PTOV1: variants seen among roughly 807,000 people sequenced by gnomAD.
The protein encoded by PTOV1 is prostate tumor-overexpressed gene 1 protein.
In PTOV1, 20 loss-of-function variants were observed where a neutral mutation model predicts 58.0. That is an observed-to-expected ratio of 0.34 (90% CI 0.24 to 0.50). PTOV1 has a LOEUF of 0.50. PTOV1 is among the 20% of genes least tolerant of loss of function. The pLI is 0.98. For synonymous variants in PTOV1, 335 were observed against 234.2 expected, an observed-to-expected ratio of 1.43 and a Z score of -3.93; for missense variants, 593 against 565.4, an observed-to-expected ratio of 1.05 and a Z score of -0.50.
intron 5 of PTOV1, chr19:49,855,285 G>T: frequency 3.4e-6 from 2 of 587,332 alleles, no homozygotes; most frequent in Non-Finnish European, 6.1e-6. Flanking sequence ...GAGGCCTCCA[G>T]TTTCTGCATC....
chr19:49,854,280 C>G, intron 1 of PTOV1, 126 bp from the exon 2 acceptor site: 1 of 1,287,902 alleles, frequency 7.8e-7, no homozygotes, highest in South Asian at 1.4e-5. Flanking sequence ...TTGGACATGG[C>G]CCCGTGGGCT....
At chr19:49,851,150 G>A (rs1367183167), upstream of PTOV1, 8 of 1,300,288 alleles carry the variant, frequency 6.2e-6, no homozygotes, top group East Asian at 2.6e-4. Context: ...GGGCTCCCCC[G>A]CTCGCCTCAG....
chr19:49,857,922 A>G, exon 8 of PTOV1: 7 of 1,613,886 alleles, frequency 4.3e-6, no homozygotes, highest in Non-Finnish European at 5.9e-6. Context: ...TGAGCCCAAC[A>G]GTCGGTCCAA....
intron 9 of PTOV1, 66 bp from the exon 10 acceptor site, chr19:49,858,483 C>T (rs1044196471): frequency 4.0e-5 from 53 of 1,339,494 alleles, no homozygotes; most frequent in South Asian, 5.0e-5. Flanking sequence ...GGGGACTCAG[C>T]GGGCTGGGAG....
chr19:49,860,662 A>G, exon 12 of PTOV1: 2 of 408,756 alleles, frequency 4.9e-6, no homozygotes, highest in Non-Finnish European at 8.8e-6. Flanking sequence ...CTGCCCAGCA[A>G]CATGGAGGAT....
upstream of PTOV1, chr19:49,851,058 T>A: frequency 6.7e-7 from 1 of 1,486,410 alleles, no homozygotes; most frequent in East Asian, 2.6e-5. Context: ...GAGCCCACAC[T>A]CCGCTCCCGC....
chr19:49,850,903 C>T (rs1377521744), upstream of PTOV1: 4 of 1,535,786 alleles, frequency 2.6e-6, no homozygotes, highest in African/African-American at 2.7e-5. Context: ...GCCGTCCCGA[C>T]CCCCGCAAGG....
Position 49,857,986 on chromosome 19 carries a change from T to C in PTOV1, c.878+9T>C, listed in dbSNP as rs200657051. On this transcript the variant is annotated intron_variant, in intron 8 of 11. Transcript: ENST00000391842. ...AACCAGGGGGAGATCCTGTGAGTGC[T>C]GGGCTGGGGGGTGGAGGCAGCATCC... is the stretch of plus-strand genomic sequence containing the variant. 77 of 1,612,968 alleles carry C rather than the reference T, an allele frequency of 4.8e-5. No individual in the cohort carries two copies. Among genetic ancestry groups the C allele is most frequent in the Middle Eastern group, 3.3e-4 (2 of 6,080 alleles).
At chr19:49,857,301 G>A in intron 6 of PTOV1, 171 bp downstream of exon 6, 1 of 946,152 alleles carries the variant, frequency 1.1e-6, no homozygotes, top group Non-Finnish European at 1.6e-6. Context: ...CCATGGAAAA[G>A]CGGCCACTGG....
chr19:49,855,156 G>T, intron 5 of PTOV1, 79 bp downstream of exon 5: 1 of 1,351,976 alleles, frequency 7.4e-7, no homozygotes, highest in Non-Finnish European at 1.0e-6. Flanking sequence ...CAGTCCAGGC[G>T]GGGGTCGGGG....
chr19:49,851,225 C>T, exon 1 of PTOV1: 1 of 1,156,278 alleles, frequency 8.6e-7, no homozygotes, highest in Non-Finnish European at 1.1e-6. Context: ...CTCAGCCCGT[C>T]TCCCCCGAAG....
exon 5 of PTOV1, chr19:49,855,029 A>G: frequency 1.2e-6 from 2 of 1,601,600 alleles, no homozygotes; most frequent in South Asian, 1.1e-5. Context: ...TCACCAACAG[A>G]GACTGCGACT....
chr19:49,859,044 T>C (rs898962770), intron 10 of PTOV1: 6 of 169,840 alleles, frequency 3.5e-5, no homozygotes, highest in African/African-American at 9.5e-5. Context: ...GATTGTCTTA[T>C]CTGGGGGAGG....
intron 9 of PTOV1, 44 bp downstream of exon 9, chr19:49,858,158 C>T (rs774358519): frequency 2.5e-6 from 4 of 1,601,688 alleles, no homozygotes; most frequent in Non-Finnish European, 3.4e-6. Context: ...CGCAGTAGCT[C>T]TTCCAGAGGG....
chr19:49,860,171 A>G (rs770254691), exon 11 of PTOV1: 17 of 1,613,982 alleles, frequency 1.1e-5, no homozygotes, highest in East Asian at 2.2e-5. Flanking sequence ...AGCAGGAGCA[A>G]CAGCAACGAG....
intron 2 of PTOV1, 38 bp from the exon 3 acceptor site, chr19:49,854,614 C>T (rs1336524397): frequency 1.9e-6 from 3 of 1,613,184 alleles, no homozygotes; most frequent in Non-Finnish European, 2.5e-6. Context: ...GCCAGGGCAT[C>T]TAGGCTGTGC....
chr19:49,856,847 C>T, intron 5 of PTOV1, 128 bp from the exon 6 acceptor site: 4 of 1,144,996 alleles, frequency 3.5e-6, no homozygotes, highest in Non-Finnish European at 4.9e-6. Context: ...ATGGCCATGG[C>T]CTTGACTGTG....
exon 1 of PTOV1, chr19:49,851,198 C>A: frequency 8.3e-7 from 1 of 1,211,274 alleles, no homozygotes; most frequent in Non-Finnish European, 1.0e-6. Flanking sequence ...GCGGCGCGTC[C>A]CCCGAGCTTG....
At chr19:49,852,111 A>G in intron 1 of PTOV1, 2 of 978,082 alleles carry the variant, frequency 2.0e-6, no homozygotes, top group Non-Finnish European at 2.4e-6. Flanking sequence ...AAAGATGCAC[A>G]TGCTTTTCAG....
Sources: gnomAD v4.1 joint callset for allele counts on GRCh38, gnomAD v4.1.1 for gene constraint, MANE v1.5 for transcripts, NCBI Gene and HGNC (gene_info 2026-07-23, HGNC 2026-07-21) for gene names.